The following ROBO2 variants were observed in gnomAD, a reference collection of about 807,000 sequenced individuals.
The protein encoded by ROBO2 is roundabout guidance receptor 2.
ROBO2 carries 53 observed loss-of-function variants against 160.8 expected under a neutral mutation model. The observed-to-expected ratio is 0.33, with a 90% CI of 0.26 to 0.41. The LOEUF is 0.41. Among genes scored for constraint, ROBO2 ranks in the 10% least tolerant of loss-of-function variants. The pLI is 1.00. For missense variants in ROBO2, 1,577 were observed against 1,722.4 expected, an observed-to-expected ratio of 0.92 and a Z score of 1.49; for synonymous variants, 664 against 611.7, an observed-to-expected ratio of 1.09 and a Z score of -1.26.
chr3:75,949,335 C>T (rs1948447672), intron 2 of ROBO2, among the ~76,000 whole-genome samples: 1 of 151,970 alleles, frequency 6.6e-6, no homozygotes. Flanking sequence ...CTAATAATTA[C>T]TATTCTTCTT....
intron 2 of ROBO2, among the ~76,000 whole-genome samples, chr3:77,445,794 G>GTTTTTTTTTTTTTTTTTTTT (rs199914360): frequency 1.6e-5 from 2 of 123,076 alleles, no homozygotes; most frequent in African/African-American, 3.2e-5. Context: ...GTTTTTTTTT[G>GTTTTTTTTTTTTTTTTTTTT]TTTTTTTTTT....
chr3:76,179,432 C>T (rs1222928745), intron 2 of ROBO2, among the ~76,000 whole-genome samples: 2 of 152,186 alleles, frequency 1.3e-5, no homozygotes, highest in Non-Finnish European at 2.9e-5. Context: ...TTACTTAAGT[C>T]AGGAAGCTAA....
At chr3:76,808,268 A>C (rs1171667913) in intron 2 of ROBO2, among the ~76,000 whole-genome samples, 1 of 152,150 alleles carries the variant, frequency 6.6e-6, no homozygotes, top group Non-Finnish European at 1.5e-5. Flanking sequence ...ACCCAATTGA[A>C]GATATGACGT....
chr3:76,400,096 A>G (rs1247557227), intron 2 of ROBO2, among the ~76,000 whole-genome samples: 2 of 151,676 alleles, frequency 1.3e-5, no homozygotes, highest in African/African-American at 4.8e-5. Flanking sequence ...ACAAACTTTC[A>G]TTTTGTGTAT....
At chr3:76,707,797 A>G (rs917007353) in intron 2 of ROBO2, among the ~76,000 whole-genome samples, 4 of 150,558 alleles carry the variant, frequency 2.7e-5, no homozygotes, top group Non-Finnish European at 5.9e-5. Context: ...CTGTATCAAG[A>G]CAATTTCTCC....
intron 2 of ROBO2, among the ~76,000 whole-genome samples, chr3:76,975,377 T>C (rs145197335): frequency 0.039 from 5,987 of 151,974 alleles, 407 homozygotes; most frequent in African/African-American, 0.14. Context: ...TGGTGGGAGG[T>C]GCCTGTAGTC....
rs570517765 is a variant in ROBO2, at chr3:77,184,649, A to C, written c.388+86309A>C. Among the ~76,000 whole-genome samples, 4 of 152,126 alleles carry C rather than the reference A, an allele frequency of 2.6e-5. No individual in the cohort carries two copies. In the East Asian group the frequency reaches 7.7e-4, roughly 29 times the overall value. On this transcript the variant is annotated intron_variant, in intron 2 of 25. Transcript: ENST00000461745. The stretch of plus-strand genomic sequence containing the variant: ...GGGACAATGTGAGCAAAAGGTAAGA[A>C]AATATATGTATTTTCAATCCTTATC...
At chr3:77,479,245 A>G (rs1352096614) in intron 3 of ROBO2, among the ~76,000 whole-genome samples, 2 of 152,214 alleles carry the variant, frequency 1.3e-5, no homozygotes, top group Non-Finnish European at 2.9e-5. Context: ...AGTCTCAGAT[A>G]ACAACCCCAA....
chr3:76,181,942 T>A (rs1701526896), intron 2 of ROBO2, among the ~76,000 whole-genome samples: 1 of 152,282 alleles, frequency 6.6e-6, no homozygotes, highest in South Asian at 2.1e-4. Flanking sequence ...GATGTTTGAT[T>A]CAATTTTATG....
intron 2 of ROBO2, among the ~76,000 whole-genome samples, chr3:76,824,622 CAG>C (rs1161670701): frequency 6.6e-6 from 1 of 152,104 alleles, no homozygotes; most frequent in African/African-American, 2.4e-5. Context: ...AGTCAGGAGA[CAG>C]AAGCCACACC....
intron 2 of ROBO2, among the ~76,000 whole-genome samples, chr3:76,193,743 G>A (rs1049667618): frequency 1.3e-5 from 2 of 152,182 alleles, no homozygotes; most frequent in African/African-American, 2.4e-5. Flanking sequence ...CCTAGAAAAT[G>A]TTGTGTGAAT....
intron 2 of ROBO2, among the ~76,000 whole-genome samples, chr3:77,267,299 A>G (rs914534673): frequency 6.6e-6 from 1 of 152,230 alleles, no homozygotes; most frequent in Non-Finnish European, 1.5e-5. Context: ...TATAAATGGA[A>G]AACATCTAAA....
At chr3:76,776,712 T>C (rs1015832867) in intron 2 of ROBO2, among the ~76,000 whole-genome samples, 2 of 151,002 alleles carry the variant, frequency 1.3e-5, no homozygotes, top group Non-Finnish European at 3.0e-5. Flanking sequence ...TAGTATGTGG[T>C]ATCTTTAATG....
At chr3:77,184,957 T>C (rs1470984045) in intron 2 of ROBO2, among the ~76,000 whole-genome samples, 2 of 152,060 alleles carry the variant, frequency 1.3e-5, no homozygotes, top group Non-Finnish European at 2.9e-5. Context: ...TTACAGAACT[T>C]CTTGATGAAT....
intron 2 of ROBO2, among the ~76,000 whole-genome samples, chr3:76,782,237 A>G (rs188926182): frequency 1.8e-4 from 27 of 150,822 alleles, no homozygotes; most frequent in African/African-American, 6.5e-4. Flanking sequence ...TCATACCGTT[A>G]TGGTAGAAAA....
chr3:76,112,452 A>G (rs1031388444), intron 2 of ROBO2, among the ~76,000 whole-genome samples: 22 of 151,988 alleles, frequency 1.4e-4, no homozygotes, highest in Admixed American at 1.2e-3. Flanking sequence ...AATATTATCA[A>G]TTATCCTTGG....
chr3:77,234,278 T>C (rs1261692819), intron 2 of ROBO2, among the ~76,000 whole-genome samples: 1 of 152,152 alleles, frequency 6.6e-6, no homozygotes, highest in African/African-American at 2.4e-5. Flanking sequence ...GCCCTTGGGA[T>C]TGTGACATCA....
At chr3:77,373,987 T>C (rs1040089778) in intron 2 of ROBO2, among the ~76,000 whole-genome samples, 1 of 149,808 alleles carries the variant, frequency 6.7e-6, no homozygotes, top group Non-Finnish European at 1.5e-5. Context: ...AGCCTGGACA[T>C]GGTGAAACCC....
At chr3:77,247,581 T>C (rs1386516569) in intron 2 of ROBO2, among the ~76,000 whole-genome samples, 1 of 152,192 alleles carries the variant, frequency 6.6e-6, no homozygotes, top group Non-Finnish European at 1.5e-5. Flanking sequence ...CTCTCTTCAG[T>C]AAGAGTAATT....
Sources: gnomAD v4.1 joint callset for allele counts (sites outside exome capture counted in the v4.1 genomes callset) on GRCh38, gnomAD v4.1.1 for gene constraint, MANE v1.5 for transcripts, NCBI Gene and HGNC (gene_info 2026-07-23, HGNC 2026-07-21) for gene names.